The following HTR4 variants were observed in gnomAD, a reference collection of about 807,000 sequenced individuals.
The protein encoded by HTR4 is 5-hydroxytryptamine (serotonin) receptor 4, G protein-coupled.
Under a neutral mutation model 36.8 loss-of-function variants are expected in HTR4, and 16 were observed. The observed-to-expected ratio is 0.43, with a 90% CI of 0.29 to 0.66. HTR4 has a LOEUF of 0.66. HTR4 is among the 30% of genes least tolerant of loss of function. The pLI is 0.13. For missense variants in HTR4, 438 were observed against 490.9 expected (o/e 0.89, Z 1.02); for synonymous variants, 189 against 185.1 (o/e 1.02, Z -0.17).
At position 148,482,606 on chromosome 5, in the gene HTR4, G is replaced by T. The variant is rs1438627168; in HGVS notation, c.*597C>A. 14 of 987,322 alleles carry T rather than the reference G, an allele frequency of 1.4e-5. No individual in the cohort carries two copies. The highest frequency in any genetic ancestry group is 1.7e-5 in the Non-Finnish European group (14 of 831,222). 61.2% of individuals were successfully genotyped at this position (987,322 alleles called of 1,614,324 possible). A position where few individuals can be genotyped will look rare whatever the true frequency, so the allele number is the denominator to read the frequency against. Reference sequence around the variant, plus strand: ...AAGTGGACGTCTGGGACTGACAAGGGGGCCAACCAAGAGGATGCACGTTTG... The same window carrying T: ...AAGTGGACGTCTGGGACTGACAAGGTGGCCAACCAAGAGGATGCACGTTTG... On this transcript the variant is annotated 3_prime_UTR_variant, in exon 7 of 7. Transcript: ENST00000377888.
chr5:148,452,093 G>A (rs1216904597), intron 5 of HTR4, among the ~76,000 whole-genome samples: 3 of 152,168 alleles, frequency 2.0e-5, no homozygotes, highest in African/African-American at 7.2e-5. Flanking sequence ...CTTGGTGGTA[G>A]TTTCTCATGA....
intron 2 of HTR4, among the ~76,000 whole-genome samples, chr5:148,635,637 T>C (rs1753506551): frequency 6.6e-6 from 1 of 152,224 alleles, no homozygotes; most frequent in Non-Finnish European, 1.5e-5. Context: ...TTTAACCAAC[T>C]GATCCAGTTT....
At chr5:148,497,186 T>TTTA (rs1756726649) in intron 6 of HTR4, among the ~76,000 whole-genome samples, 1 of 152,134 alleles carries the variant, frequency 6.6e-6, no homozygotes, top group Non-Finnish European at 1.5e-5. Flanking sequence ...GTGTTTTATT[T>TTTA]TTATTTTTAT....
chr5:148,530,098 A>G (rs941457445), intron 4 of HTR4, among the ~76,000 whole-genome samples: 8 of 152,204 alleles, frequency 5.3e-5, no homozygotes, highest in African/African-American at 1.9e-4. Context: ...TTAGTTTTAT[A>G]AGGAAAGCAG....
chr5:148,592,663 A>C (rs1004931577), intron 2 of HTR4, among the ~76,000 whole-genome samples: 1 of 152,000 alleles, frequency 6.6e-6, no homozygotes, highest in Non-Finnish European at 1.5e-5. Flanking sequence ...ATTAATATTC[A>C]TGTACTTCAT....
chr5:148,647,061 A>G (rs1209094254), intron 1 of HTR4, among the ~76,000 whole-genome samples: 1 of 152,216 alleles, frequency 6.6e-6, no homozygotes, highest in African/African-American at 2.4e-5. Flanking sequence ...TGCTCTTGGC[A>G]TCATGTGACT....
intron 2 of HTR4, among the ~76,000 whole-genome samples, chr5:148,598,926 T>C (rs1761885163): frequency 1.3e-5 from 2 of 152,140 alleles, no homozygotes. Flanking sequence ...ACAAGTAGAT[T>C]TTAAAATATT....
chr5:148,648,391 G>C (rs778694433), intron 1 of HTR4, among the ~76,000 whole-genome samples: 1 of 152,128 alleles, frequency 6.6e-6, no homozygotes. Flanking sequence ...ACAGAAACCA[G>C]GTGGACAAAG....
chr5:148,476,751 A>C (rs368981210), downstream of HTR4: 27 of 1,613,310 alleles, frequency 1.7e-5, no homozygotes, highest in East Asian at 5.6e-4. Flanking sequence ...AAAATCTGGT[A>C]GGAGAGATCA....
intron 2 of HTR4, among the ~76,000 whole-genome samples, chr5:148,590,484 C>T (rs181520016): frequency 6.6e-5 from 10 of 150,954 alleles, no homozygotes; most frequent in East Asian, 5.8e-4. Flanking sequence ...TTAATAGAGA[C>T]GGGGTTGGTA....
rs140800227 is a variant in HTR4, at chr5:148,553,196, G to A, written c.27-2934C>T. ...TGAGACAGTATGTAAGGTGTCAGCT[G>A]ATAGTACAGTCCATGGCAAAAAAAA... On this transcript the variant is annotated intron_variant, in intron 2 of 6. Coordinates refer to ENST00000377888, the MANE Select transcript of HTR4 (RefSeq NM_000870.7). 9.3e-4 allele frequency among the ~76,000 whole-genome samples: 141 copies of A among 152,160 alleles called. 1 individual carries two copies. Among genetic ancestry groups the A allele is most frequent in the African/African-American group, 3.2e-3 (134 of 41,444 alleles).
chr5:148,474,926 A>G (rs1755659469), downstream of HTR4, among the ~76,000 whole-genome samples: 1 of 152,050 alleles, frequency 6.6e-6, no homozygotes, highest in African/African-American at 2.4e-5. Flanking sequence ...TGTGCCTGTA[A>G]TCCCAGCTAC....
chr5:148,481,283 G>T (rs539606495), downstream of HTR4, among the ~76,000 whole-genome samples: 157 of 152,288 alleles, frequency 1.0e-3, no homozygotes, highest in African/African-American at 3.6e-3. Flanking sequence ...AAAGGGGATT[G>T]GTCCAGCCAC....
chr5:148,463,344 GT>G (rs112210576), intron 5 of HTR4, among the ~76,000 whole-genome samples: 25 of 147,240 alleles, frequency 1.7e-4, no homozygotes, highest in African/African-American at 6.0e-4. Flanking sequence ...AGCTATTTTT[GT>G]TTTTTTTTGT....
rs149027091 is a variant in HTR4 at position 148,490,830 on chromosome 5, T to G, written c.1077-7537A>C. ...CATTATGCAGAAGAAGTCGAATTCCTGTTTCCTCTAACAGCCCTTTAAATA... is the reference window on the plus strand; with the variant it reads ...CATTATGCAGAAGAAGTCGAATTCCGGTTTCCTCTAACAGCCCTTTAAATA... On this transcript the variant is annotated intron_variant, in intron 6 of 6. Coordinates refer to ENST00000377888, the MANE Select transcript of HTR4 (RefSeq NM_000870.7). 13 of 632,288 alleles carry G rather than the reference T, an allele frequency of 2.1e-5. No homozygotes were observed. In the East Asian group the frequency reaches 8.6e-4, roughly 42 times the overall value. The allele number at this position is 632,288 out of a possible 1,614,324, so 39.2% of individuals were successfully genotyped here.
At chr5:148,580,854 C>A (rs1761105320) in intron 2 of HTR4, among the ~76,000 whole-genome samples, 1 of 151,888 alleles carries the variant, frequency 6.6e-6, no homozygotes, top group Non-Finnish European at 1.5e-5. Flanking sequence ...TCTTTGAGAC[C>A]CTGATTTCAA....
intron 2 of HTR4, among the ~76,000 whole-genome samples, chr5:148,583,938 T>A (rs1310161299): frequency 6.6e-6 from 1 of 152,174 alleles, no homozygotes; most frequent in Admixed American, 6.6e-5. Context: ...ATTTGCATTG[T>A]CTAGTGCAAA....
chr5:148,491,346 T>A (rs577006395), intron 6 of HTR4, among the ~76,000 whole-genome samples: 1 of 152,214 alleles, frequency 6.6e-6, no homozygotes, highest in South Asian at 2.1e-4. Flanking sequence ...GGTCTTGCCT[T>A]AAGAATGTAT....
At chr5:148,614,422 G>C (rs34663016) in intron 2 of HTR4, among the ~76,000 whole-genome samples, 1,941 of 152,308 alleles carry the variant, frequency 0.013, 46 homozygotes, top group African/African-American at 0.045. Flanking sequence ...AGAAAAACAA[G>C]CAATGGGGAA....
Sources: gnomAD v4.1 joint callset for allele counts (sites outside exome capture counted in the v4.1 genomes callset) on GRCh38, gnomAD v4.1.1 for gene constraint, MANE v1.5 for transcripts, NCBI Gene and HGNC (gene_info 2026-07-23, HGNC 2026-07-21) for gene names.